The following PALLD variants were observed in gnomAD, a reference collection of about 807,000 sequenced individuals.
The protein encoded by PALLD is palladin.
PALLD carries 61 observed loss-of-function variants against 123.5 expected under a neutral mutation model. The ratio of observed to expected loss-of-function variants is 0.49; its 90% CI spans 0.40 to 0.61. The LOEUF is 0.61. PALLD is among the 20% of genes least tolerant of loss of function. The pLI is 0.00. For missense variants in PALLD, 1,273 were observed against 1,377.0 expected (o/e 0.92, Z 1.20); for synonymous variants, 465 against 496.4 (o/e 0.94, Z 0.84).
chr4:168,660,425 A>G (rs1223389414), intron 2 of PALLD, among the ~76,000 whole-genome samples: 6 of 152,200 alleles, frequency 3.9e-5, no homozygotes, highest in African/African-American at 7.2e-5. Flanking sequence ...AAAGTGAACA[A>G]TTACATATTG....
intron 3 of PALLD, among the ~76,000 whole-genome samples, chr4:168,672,558 A>G (rs572297213): frequency 4.5e-4 from 69 of 151,820 alleles, no homozygotes; most frequent in African/African-American, 1.6e-3. Flanking sequence ...TTCCGGGTTC[A>G]CGCCATTCTC....
intron 2 of PALLD, among the ~76,000 whole-genome samples, chr4:168,640,461 G>T (rs1454315741): frequency 6.6e-6 from 1 of 152,178 alleles, no homozygotes; most frequent in Non-Finnish European, 1.5e-5. Flanking sequence ...ATTGGATAAA[G>T]CCAGTAGTCC....
Position 168,783,762 on chromosome 4 carries a change from G to A in PALLD, c.1964+71839G>A, listed in dbSNP as rs150293160. ...CTGGAGGTAGAGGTGGGGATTGGTT[G>A]ATAAGATATGGTAAGATGGAGTCAG... On this transcript the variant is annotated intron_variant, in intron 10 of 21. Coordinates refer to ENST00000505667, the MANE Select transcript of PALLD (RefSeq NM_001166108.2). 7.9e-3 allele frequency among the ~76,000 whole-genome samples: 1,206 copies of A among 152,278 alleles called. 6 individuals are homozygous for A. The highest frequency in any genetic ancestry group is 0.024 in the Middle Eastern group (7 of 294).
intron 16 of PALLD, among the ~76,000 whole-genome samples, chr4:168,915,362 T>A (rs1215707134): frequency 6.6e-6 from 1 of 152,220 alleles, no homozygotes; most frequent in Non-Finnish European, 1.5e-5. Flanking sequence ...TTGTACAATC[T>A]CATTTTTTAA....
intron 2 of PALLD, among the ~76,000 whole-genome samples, chr4:168,626,306 G>A (rs527249013): frequency 1.4e-4 from 21 of 151,746 alleles, no homozygotes; most frequent in Non-Finnish European, 2.8e-4. Context: ...GGAGGCTGAG[G>A]CAGGAGAATG....
At chr4:168,547,168 A>G (rs1158855187) in intron 2 of PALLD, among the ~76,000 whole-genome samples, 1 of 152,104 alleles carries the variant, frequency 6.6e-6, no homozygotes, top group Non-Finnish European at 1.5e-5. Flanking sequence ...AAAGAATACA[A>G]ATCTCAAGCC....
chr4:168,605,409 G>A (rs1204338604), intron 2 of PALLD, among the ~76,000 whole-genome samples: 1 of 152,140 alleles, frequency 6.6e-6, no homozygotes, highest in Admixed American at 6.5e-5. Context: ...CAGCTACTGA[G>A]TATCTAGTCT....
chr4:168,898,678 T>C lies in PALLD; in HGVS notation c.2436T>C (p.Thr812=). Residue 812 remains threonine (T), a synonymous_variant, in exon 14 of 22, where the codon ACT becomes ACC. Transcript: ENST00000505667. ...AGATCTTTGAGGGAATGCCAGTAAC[T>C]TTCACATGTAGAGTGGCTGGAAATC... ...HYKIFEGMPV[T]FTCRVAGNPK... The C allele has an allele frequency of 6.2e-7, 1 of 1,614,006 alleles. No homozygotes were observed. The highest frequency in any genetic ancestry group is 8.5e-7 in the Non-Finnish European group (1 of 1,179,904).
At chr4:168,825,425 A>T (rs1328891016) in intron 10 of PALLD, among the ~76,000 whole-genome samples, 1 of 152,206 alleles carries the variant, frequency 6.6e-6, no homozygotes, top group Non-Finnish European at 1.5e-5. Context: ...GAAGCAAATC[A>T]TTATGTATTT....
At chr4:168,508,509 A>G (rs1762231327) in intron 1 of PALLD, among the ~76,000 whole-genome samples, 1 of 152,156 alleles carries the variant, frequency 6.6e-6, no homozygotes, top group Admixed American at 6.5e-5. Context: ...CAATTTCGTC[A>G]TGTCAAGAAT....
intron 10 of PALLD, among the ~76,000 whole-genome samples, chr4:168,880,322 AGTC>A (rs2151133754): frequency 6.6e-6 from 1 of 152,334 alleles, no homozygotes. Context: ...TTAATGGAGA[AGTC>A]GTGCCGATTT....
At chr4:168,644,134 G>C (rs111951179) in intron 2 of PALLD, among the ~76,000 whole-genome samples, 9 of 149,600 alleles carry the variant, frequency 6.0e-5, no homozygotes, top group African/African-American at 2.2e-4. Flanking sequence ...TGTCATCCAG[G>C]CTGGAGTGCA....
At chr4:168,506,791 CT>C (rs1271259810) in intron 1 of PALLD, among the ~76,000 whole-genome samples, 2 of 151,848 alleles carry the variant, frequency 1.3e-5, no homozygotes, top group Admixed American at 6.5e-5. Flanking sequence ...AGCAATCTGG[CT>C]TATATTTCTG....
rs1178780547 is a variant in PALLD at position 168,793,138 on chromosome 4, CAT to C, written c.1964+81222_1964+81223del. Among the ~76,000 whole-genome samples, 22 of 126,156 alleles carry C rather than the reference CAT, an allele frequency of 1.7e-4. 2 individuals are homozygous for C. The highest frequency in any genetic ancestry group is 6.1e-4 in the African/African-American group (17 of 27,946). 82.8% of individuals were successfully genotyped at this position (126,156 alleles called of 152,430 possible). A position where few individuals can be genotyped will look rare whatever the true frequency, so the allele number is the denominator to read the frequency against. The stretch of plus-strand genomic sequence containing the variant: ...TTATATATGTGTGTGCATATATATA[CAT>C]ATATATGTGTGCATATATATACATA... On this transcript the variant is annotated intron_variant, in intron 10 of 21. Coordinates refer to ENST00000505667, the MANE Select transcript of PALLD (RefSeq NM_001166108.2).
chr4:168,894,505 ACT>A, intron 11 of PALLD, 72 bp from the exon 12 acceptor site: 2 of 874,400 alleles, frequency 2.3e-6, no homozygotes, highest in Non-Finnish European at 3.8e-6. Context: ...GTTGTTTTTT[ACT>A]CTTTTTCATA....
At chr4:168,790,116 C>T (rs1041612339) in intron 10 of PALLD, among the ~76,000 whole-genome samples, 3 of 151,536 alleles carry the variant, frequency 2.0e-5, no homozygotes, top group African/African-American at 7.3e-5. Flanking sequence ...ACGTGAATGT[C>T]TCCAAATCCT....
intron 3 of PALLD, among the ~76,000 whole-genome samples, chr4:168,672,804 C>T (rs1397091243): frequency 6.6e-6 from 1 of 152,106 alleles, no homozygotes; most frequent in African/African-American, 2.4e-5. Flanking sequence ...TGTTCTCACT[C>T]ATATGTGAAA....
chr4:168,600,650 G>T lies in PALLD; in HGVS notation c.909-67540G>T, dbSNP rs142744951. Among the ~76,000 whole-genome samples the T allele has an allele frequency of 5.1e-3, 779 of 152,152 alleles. 3 individuals carry two copies. Among genetic ancestry groups the T allele is most frequent in the Non-Finnish European group, 6.3e-3 (430 of 68,014 alleles). On this transcript the variant is annotated intron_variant, in intron 2 of 21. Transcript: ENST00000505667. ...AATTTCTCAGGATTTCTTAAATAATGCCTTAACATAATTAAATATAATGAT... is the reference window on the plus strand; with the variant it reads ...AATTTCTCAGGATTTCTTAAATAATTCCTTAACATAATTAAATATAATGAT...
chr4:168,555,142 T>A (rs1021418647), intron 2 of PALLD, among the ~76,000 whole-genome samples: 1 of 152,194 alleles, frequency 6.6e-6, no homozygotes, highest in African/African-American at 2.4e-5. Context: ...AGATCTACTA[T>A]TATTAAAGAT....
Sources: allele counts gnomAD v4.1 joint callset (sites outside exome capture counted in the v4.1 genomes callset), GRCh38; gene constraint gnomAD v4.1.1; transcripts MANE v1.5; gene names NCBI Gene and HGNC (gene_info 2026-07-23, HGNC 2026-07-21).